The following PPFIA1 variants were observed in gnomAD, a reference collection of about 807,000 sequenced individuals.
The protein encoded by PPFIA1 is PPFI scaffold protein A1, also known as liprin-alpha-1.
In PPFIA1, 25 loss-of-function variants were observed where a neutral mutation model predicts 149.9. The ratio of observed to expected loss-of-function variants is 0.17; its 90% CI spans 0.12 to 0.23. The LOEUF (loss-of-function observed/expected upper bound fraction) is 0.23. PPFIA1 is among the 10% of genes least tolerant of loss of function. The probability of loss-of-function intolerance (pLI) is 1.00; values close to 1 mark genes in which losing one functional copy is unlikely to be tolerated. For synonymous variants in PPFIA1, 549 were observed against 552.8 expected (o/e 0.99, Z 0.10); for missense variants, 1,362 against 1,506.5 (o/e 0.90, Z 1.59).
At chr11:70,339,988 G>C (rs1468877331) in intron 14 of PPFIA1, among the ~76,000 whole-genome samples, 1 of 151,926 alleles carries the variant, frequency 6.6e-6, no homozygotes, top group Non-Finnish European at 1.5e-5. Flanking sequence ...CTCCAGCCTG[G>C]GCTACAAGAG....
At chr11:70,304,476 C>A (rs1446288534) in intron 2 of PPFIA1, among the ~76,000 whole-genome samples, 1 of 152,146 alleles carries the variant, frequency 6.6e-6, no homozygotes, top group Non-Finnish European at 1.5e-5. Context: ...CCTGTGATAT[C>A]CTTTATAATA....
chr11:70,363,819 C>T (rs1207819515), intron 21 of PPFIA1, among the ~76,000 whole-genome samples: 1 of 152,154 alleles, frequency 6.6e-6, no homozygotes, highest in East Asian at 1.9e-4. Context: ...CAGCCAGAAG[C>T]ATCCATTGAA....
At chr11:70,316,573 C>A (rs1218438517) in intron 2 of PPFIA1, among the ~76,000 whole-genome samples, 3 of 152,124 alleles carry the variant, frequency 2.0e-5, no homozygotes, top group African/African-American at 7.2e-5. Flanking sequence ...GGGGTGGGGC[C>A]CAGGCACCCA....
chr11:70,378,628 AGCTTGTGTGAGCTCT>A (rs1169542720), intron 26 of PPFIA1: 1 of 228,816 alleles, frequency 4.4e-6, no homozygotes, highest in Non-Finnish European at 7.3e-6. Flanking sequence ...CACAGTTTCC[AGCTTGTGTGAGCTCT>A]GCCTATGCTT....
chr11:70,362,488 G>GGT lies in PPFIA1; in HGVS notation c.2865+1_2865+2dup. ...CGTCTGCCCCGCCCACATCTAGAAC[G>GGT]GTACGTTCAGAGACAACCCCTGCAT... is the stretch of plus-strand genomic sequence containing the variant. On this transcript the variant is annotated frameshift_variant and splice_region_variant. Transcript: ENST00000253925. LOFTEE classifies it high-confidence loss of function. 1 of 1,599,798 alleles carries GGT rather than the reference G, an allele frequency of 6.3e-7. No individual in the cohort carries two copies. The highest frequency in any genetic ancestry group is 8.5e-7 in the Non-Finnish European group (1 of 1,171,910).
intron 7 of PPFIA1, among the ~76,000 whole-genome samples, chr11:70,329,092 T>A (rs1191861861): frequency 2.0e-5 from 3 of 152,202 alleles, no homozygotes; most frequent in Non-Finnish European, 4.4e-5. Context: ...GTATGAGAGT[T>A]CATCCAACCC....
Position 70,351,298 on chromosome 11 carries a change from T to A in PPFIA1, c.2163+2878T>A, listed in dbSNP as rs568594719. 2.0e-5 allele frequency among the ~76,000 whole-genome samples: 3 copies of A among 152,332 alleles called. No individual in the cohort carries two copies. The South Asian group carries it at 6.2e-4, about 32-fold the overall frequency. Reference sequence around the variant, plus strand: ...ATCATTACATGCTTATTCATAGATGTAGTAGTTTTAAAAATAAGAAATTAC... The same window carrying A: ...ATCATTACATGCTTATTCATAGATGAAGTAGTTTTAAAAATAAGAAATTAC... On this transcript the variant is annotated intron_variant, in intron 16 of 27. Transcript: ENST00000253925.
At chr11:70,354,981 G>T (rs2056279077) in intron 17 of PPFIA1, among the ~76,000 whole-genome samples, 1 of 151,918 alleles carries the variant, frequency 6.6e-6, no homozygotes, top group Admixed American at 6.6e-5. Flanking sequence ...CTGTTGCCCA[G>T]GCTGGAGTAC....
At position 70,333,420 on chromosome 11, in the gene PPFIA1, C is replaced by T. The variant is rs749540813; in HGVS notation, c.1213-50C>T. 9.0e-6 allele frequency: 13 copies of T among 1,450,448 alleles called. No homozygotes were observed. In the Admixed American group the frequency reaches 9.1e-5, roughly 10 times the overall value. 89.8% of individuals were successfully genotyped at this position (1,450,448 alleles called of 1,614,324 possible). ...GCCACTGCAGTGGTATGCAGCATGTCGTTAATGAAGTGTAAGGATGACGTC... is the reference window on the plus strand; with the variant it reads ...GCCACTGCAGTGGTATGCAGCATGTTGTTAATGAAGTGTAAGGATGACGTC... On this transcript the variant is annotated intron_variant, in intron 9 of 27. Transcript: ENST00000253925.
At chr11:70,305,180 C>T (rs900441793) in intron 2 of PPFIA1, among the ~76,000 whole-genome samples, 2 of 152,020 alleles carry the variant, frequency 1.3e-5, no homozygotes, top group African/African-American at 4.8e-5. Context: ...AATTGATGCC[C>T]AAATGGCTCA....
rs2056228739 is a variant in PPFIA1, at chr11:70,354,148, G to C, written c.2164-153G>C. 3 of 734,680 alleles carry C rather than the reference G, an allele frequency of 4.1e-6. 1 individual carries two copies. 45.5% of individuals were successfully genotyped at this position (734,680 alleles called of 1,614,324 possible). A position where few individuals can be genotyped will look rare whatever the true frequency, so the allele number is the denominator to read the frequency against. On this transcript the variant is annotated intron_variant, in intron 16 of 27. Transcript: ENST00000253925. ...ACAACTCTGTGGTGCTGTGCTGCGT[G>C]GCCCTTCAGAATGGTGCCAGACTGA...
intron 2 of PPFIA1, among the ~76,000 whole-genome samples, chr11:70,306,871 C>T (rs1387667665): frequency 6.6e-6 from 1 of 152,166 alleles, no homozygotes; most frequent in Non-Finnish European, 1.5e-5. Flanking sequence ...AACCCCTGAG[C>T]CTTCTTTGTT....
At chr11:70,326,950 A>G (rs2054333436) in intron 7 of PPFIA1, 132 bp downstream of exon 7, 1 of 773,992 alleles carries the variant, frequency 1.3e-6, no homozygotes, top group Non-Finnish European at 2.0e-6. Flanking sequence ...TGTATAAGTT[A>G]TATTGAAAAA....
Position 70,339,834 on chromosome 11 carries a change from G to C in PPFIA1, c.1707+528G>C, listed in dbSNP as rs1003113545. Reference sequence around the variant, plus strand: ...GTTTGAGATCAGCCTGGTCAACATGGTGAAACCCCGTCTCTACTAAAAATA... The same window carrying C: ...GTTTGAGATCAGCCTGGTCAACATGCTGAAACCCCGTCTCTACTAAAAATA... On this transcript the variant is annotated intron_variant, in intron 14 of 27. Transcript: ENST00000253925. Among the ~76,000 whole-genome samples the C allele has an allele frequency of 5.9e-5, 9 of 152,190 alleles. No homozygotes were observed. The East Asian group carries it at 1.7e-3, about 29-fold the overall frequency.
chr11:70,291,144 C>T lies in PPFIA1; in HGVS notation c.264+18708C>T, dbSNP rs549299256. On this transcript the variant is annotated intron_variant, in intron 2 of 27. Transcript: ENST00000253925. ...AGGTTATCCACCAGCTCCCGGCCTC[C>T]CAAAGTGCTGGGATTACAGGCGTGA... 6.6e-5 allele frequency among the ~76,000 whole-genome samples: 10 copies of T among 152,294 alleles called. No individual in the cohort carries two copies. The East Asian group carries it at 1.9e-3, about 29-fold the overall frequency.
At chr11:70,350,135 T>C (rs2137257558) in intron 16 of PPFIA1, 1 of 328,158 alleles carries the variant, frequency 3.0e-6, no homozygotes, top group South Asian at 2.3e-5. Flanking sequence ...AAAGTATCTT[T>C]TTCTCAATGG....
At chr11:70,329,540 G>A (rs537544177) in intron 7 of PPFIA1, among the ~76,000 whole-genome samples, 13 of 152,268 alleles carry the variant, frequency 8.5e-5, no homozygotes, top group African/African-American at 3.1e-4. Flanking sequence ...TTGAACTGCT[G>A]GACTCGAGCA....
In PPFIA1 at chr11:70,289,228, C is replaced by T. The variant is rs537499974; in HGVS notation, c.264+16792C>T. ...CTCAGAACTCCACCTGTCTTGGCCT[C>T]CCAAAGTGCTGGGATTGCAGGCATG... On this transcript the variant is annotated intron_variant, in intron 2 of 27. Transcript: ENST00000253925. Among the ~76,000 whole-genome samples the T allele has an allele frequency of 5.3e-5, 8 of 152,140 alleles. No individual in the cohort carries two copies. In the East Asian group the frequency reaches 1.5e-3, roughly 29 times the overall value.
In PPFIA1 at chr11:70,378,176, A is replaced by G; in HGVS notation, c.3531A>G (p.Pro1177=). The G allele has an allele frequency of 6.2e-7, 1 of 1,614,124 alleles. No individual in the cohort carries two copies. Among genetic ancestry groups the G allele is most frequent in the Non-Finnish European group, 8.5e-7 (1 of 1,179,982 alleles). ...TSSMSSPSMQ[P]KKMQMDGNVS... is the part of the protein sequence containing the mutation. ...CTATGTCTTCCCCCTCTATGCAGCCAAAGAAGATGCAGATGGACGGTATGT... is the reference window on the plus strand; with the variant it reads ...CTATGTCTTCCCCCTCTATGCAGCCGAAGAAGATGCAGATGGACGGTATGT... The change falls in exon 26 of 28, where the codon CCA becomes CCG. Residue 1177 remains proline, a synonymous_variant. Transcript: ENST00000253925.
Sources: allele counts gnomAD v4.1 joint callset (sites outside exome capture counted in the v4.1 genomes callset), GRCh38; gene constraint gnomAD v4.1.1; transcripts MANE v1.5; gene names NCBI Gene and HGNC (gene_info 2026-07-23, HGNC 2026-07-21).